The following CFAP58 variants were observed in gnomAD, a reference collection of about 807,000 sequenced individuals.
The protein encoded by CFAP58 is cilia- and flagella-associated protein 58.
A neutral mutation model predicts 119.5 loss-of-function variants in CFAP58; 88 were observed. The observed-to-expected ratio is 0.74, with a 90% CI of 0.62 to 0.88. The LOEUF is 0.88. CFAP58 is among the 40% of genes least tolerant of loss of function. The pLI, the probability that CFAP58 is intolerant of heterozygous loss-of-function variation, is 0.00. For synonymous variants in CFAP58, 365 were observed against 366.3 expected (o/e 1.00, Z 0.04); for missense variants, 990 against 1,021.2 (o/e 0.97, Z 0.42).
chr10:104,378,446 C>A (rs575285057), intron 8 of CFAP58, among the ~76,000 whole-genome samples: 36 of 152,166 alleles, frequency 2.4e-4, no homozygotes, highest in Non-Finnish European at 4.6e-4. Context: ...AGTTTTCAGA[C>A]CTATCTGTGG....
At chr10:104,405,793 A>G (rs568737272) in intron 14 of CFAP58, among the ~76,000 whole-genome samples, 1 of 152,352 alleles carries the variant, frequency 6.6e-6, no homozygotes, top group East Asian at 1.9e-4. Flanking sequence ...TGAGTGAATT[A>G]GGGAGCCCTG....
At chr10:104,346,676 C>T in the CFAP58 span, among the ~76,000 whole-genome samples, 1 of 133,050 alleles carries the variant, frequency 7.5e-6, no homozygotes, top group Non-Finnish European at 1.6e-5. Context: ...CACTCTGTCG[C>T]CCAGGCTGGA....
rs2012251927 is a variant in CFAP58 at position 104,400,866 on chromosome 10, A to T, written c.2002A>T (p.Ile668Phe). 1.2e-6 allele frequency: 2 copies of T among 1,614,056 alleles called. No individual in the cohort carries two copies. The highest frequency in any genetic ancestry group is 2.7e-5 in the African/African-American group (2 of 74,920). The change falls in exon 13 of 18, where the codon ATT becomes TTT. Residue 668 changes from isoleucine (I) to phenylalanine (F), a missense_variant. Transcript: ENST00000369704. ...EIKKLRREKG[I>F]LARSMANVEE... ...CAAGAAGCTTCGCCGGGAAAAGGGG[A>T]TTCTTGCCAGGAGTATGGCTAATGT...
At chr10:104,376,331 C>CT (rs2011661571) in intron 7 of CFAP58, among the ~76,000 whole-genome samples, 1 of 151,598 alleles carries the variant, frequency 6.6e-6, no homozygotes, top group South Asian at 2.1e-4. Context: ...CCTCACCTGT[C>CT]TTTACTAAAA....
In CFAP58 at chr10:104,454,636, C is replaced by T. The variant is rs539772684; in HGVS notation, c.*106C>T. The T allele has an allele frequency of 1.1e-5, 9 of 789,616 alleles. No homozygotes were observed. The highest frequency in any genetic ancestry group is 1.7e-5 in the Non-Finnish European group (8 of 463,208). 48.9% of individuals were successfully genotyped at this position (789,616 alleles called of 1,614,324 possible). On this transcript the variant is annotated 3_prime_UTR_variant, in exon 18 of 18. Transcript: ENST00000369704. ...GATCATAGAACTGAGTGCTGAGAAT[C>T]CAGGATGGAAAGAAATGCAGAACTA...
the CFAP58 span, among the ~76,000 whole-genome samples, chr10:104,340,695 A>T: frequency 1.3e-5 from 2 of 152,242 alleles, no homozygotes; most frequent in African/African-American, 4.8e-5. Flanking sequence ...GGGGGTCTCC[A>T]GGTGTGAGAT....
In CFAP58 at chr10:104,406,695, G is replaced by A. The variant is rs775471714; in HGVS notation, c.2158G>A (p.Asp720Asn). The A allele has an allele frequency of 6.2e-6, 10 of 1,614,038 alleles. No individual in the cohort carries two copies. In the East Asian group the frequency reaches 1.3e-4, roughly 22 times the overall value. ...VHRWRKLEAS[D>N]PNAYELIQKI... is the part of the protein sequence containing the mutation. The stretch of plus-strand genomic sequence containing the variant: ...TGTTGTTCCCCTTGGACAGGCCAGC[G>A]ACCCCAATGCATATGAGCTGATACA... Residue 720 changes from aspartate to asparagine, a missense_variant, in exon 15 of 18, where the codon GAC becomes AAC. Coordinates refer to ENST00000369704, the MANE Select transcript of CFAP58 (RefSeq NM_001008723.2).
At chr10:104,357,808 T>TATATGTACATATATACAC (rs1564875324) in intron 1 of CFAP58, among the ~76,000 whole-genome samples, 18 of 137,338 alleles carry the variant, frequency 1.3e-4, no homozygotes, top group African/African-American at 5.7e-4. Flanking sequence ...TATACACACA[T>TATATGTACATATATACAC]ATATATGTAC....
intron 15 of CFAP58, among the ~76,000 whole-genome samples, chr10:104,438,556 T>C (rs1303568549): frequency 1.3e-5 from 2 of 151,974 alleles, no homozygotes; most frequent in Non-Finnish European, 1.5e-5. Flanking sequence ...TTTGTATTTT[T>C]AGTAGAGACG....
chr10:104,400,703 G>C lies in CFAP58; in HGVS notation c.1839G>C (p.Leu613=), dbSNP rs777242142. 2 of 1,613,964 alleles carry C rather than the reference G, an allele frequency of 1.2e-6. No homozygotes were observed. The highest frequency in any genetic ancestry group is 1.7e-6 in the Non-Finnish European group (2 of 1,180,000). The stretch of plus-strand genomic sequence containing the variant: ...AGGTCATCAGTGAGAGAGATATCCT[G>C]GGGTCTCAGCTTGTTCGGCGCAATG... ...LDQVISERDI[L]GSQLVRRNDE... Residue 613 remains leucine (L), a synonymous_variant, in exon 13 of 18, where the codon CTG becomes CTC. Transcript: ENST00000369704.
At chr10:104,399,643 T>A in intron 12 of CFAP58, 143 bp downstream of exon 12, 1 of 851,082 alleles carries the variant, frequency 1.2e-6, no homozygotes, top group Non-Finnish European at 1.8e-6. Flanking sequence ...TTGTGTTGAT[T>A]AATTATGAAA....
chr10:104,354,025 C>A, intron 1 of CFAP58, 119 bp downstream of exon 1: 2 of 1,277,844 alleles, frequency 1.6e-6, no homozygotes, highest in Non-Finnish European at 2.2e-6. Context: ...TCTTATTCCC[C>A]TGCACCCTCA....
chr10:104,377,623 G>T lies in CFAP58; in HGVS notation c.1173+730G>T, dbSNP rs544319041. The stretch of plus-strand genomic sequence containing the variant: ...CAGGTGTGGATGGCTGGGTGGTTGT[G>T]GGGGATGGTGGCAGGGTGCTTCTAT... On this transcript the variant is annotated intron_variant, in intron 8 of 17. Coordinates refer to ENST00000369704, the MANE Select transcript of CFAP58 (RefSeq NM_001008723.2). Among the ~76,000 whole-genome samples, 7 of 152,272 alleles carry T rather than the reference G, an allele frequency of 4.6e-5. No homozygotes were observed. In the East Asian group the frequency reaches 1.3e-3, roughly 29 times the overall value.
chr10:104,397,725 C>T (rs1291345963), intron 11 of CFAP58, among the ~76,000 whole-genome samples: 1 of 152,202 alleles, frequency 6.6e-6, no homozygotes, highest in Non-Finnish European at 1.5e-5. Flanking sequence ...GTTGTGATTC[C>T]AGCATGGGGG....
upstream of CFAP58, among the ~76,000 whole-genome samples, chr10:104,349,174 G>C (rs1024991603): frequency 1.3e-5 from 2 of 152,190 alleles, no homozygotes; most frequent in African/African-American, 4.8e-5. Context: ...CTTGAACCTG[G>C]GAGGCGGAGG....
At position 104,357,878 on chromosome 10, in the gene CFAP58, TACAC is replaced by T. The variant is rs200495436; in HGVS notation, c.10-461_10-458del. Among the ~76,000 whole-genome samples, 122 of 119,596 alleles carry T rather than the reference TACAC, an allele frequency of 1.0e-3. 9 individuals are homozygous for T. The highest frequency in any genetic ancestry group is 3.4e-3 in the African/African-American group (112 of 33,204). 78.5% of individuals were successfully genotyped at this position (119,596 alleles called of 152,430 possible). On this transcript the variant is annotated intron_variant, in intron 1 of 17. Coordinates refer to ENST00000369704, the MANE Select transcript of CFAP58 (RefSeq NM_001008723.2). ...ATATACACATATATACACATATATGTACACATATATAAACATATATGTACACATA... is the reference window on the plus strand; with the variant it reads ...ATATACACATATATACACATATATGTATATATAAACATATATGTACACATA...
intron 7 of CFAP58, 29 bp from the exon 8 acceptor site, chr10:104,376,779 TTTA>T (rs1306014872): frequency 2.6e-6 from 4 of 1,563,614 alleles, no homozygotes; most frequent in East Asian, 2.2e-5. Context: ...CGACTCTACG[TTTA>T]TTATTATTTT....
intron 2 of CFAP58, 64 bp from the exon 3 acceptor site, chr10:104,361,959 C>T: frequency 6.7e-7 from 1 of 1,488,444 alleles, no homozygotes; most frequent in Admixed American, 1.9e-5. Context: ...ATTCTGTTTG[C>T]TGGTTTATCT....
chr10:104,357,808 TATATATGTACATATATACAC>T (rs1357445852), intron 1 of CFAP58, among the ~76,000 whole-genome samples: 4 of 137,282 alleles, frequency 2.9e-5, no homozygotes, highest in South Asian at 2.1e-4. Flanking sequence ...TATACACACA[TATATATGTACATATATACAC>T]ATATATGTAC....
Sources: allele counts gnomAD v4.1 joint callset (sites outside exome capture counted in the v4.1 genomes callset), GRCh38; gene constraint gnomAD v4.1.1; transcripts MANE v1.5; gene names NCBI Gene and HGNC (gene_info 2026-07-23, HGNC 2026-07-21).